MAD1L1: variants seen among roughly 807,000 people sequenced by gnomAD.
The protein encoded by MAD1L1 is mitotic arrest deficient 1 like 1, also known as mitotic spindle assembly checkpoint protein MAD1.
MAD1L1 carries 95 observed loss-of-function variants against 96.9 expected under a neutral mutation model. That is an observed-to-expected ratio of 0.98 (90% CI 0.83 to 1.16). The LOEUF (loss-of-function observed/expected upper bound fraction) is 1.16, where lower values mean the gene tolerates loss of function less well. Among genes scored for constraint, MAD1L1 ranks in the 50% most tolerant of loss-of-function variants. MAD1L1 has a pLI of 0.00. For missense variants in MAD1L1, 1,007 were observed against 954.4 expected, an observed-to-expected ratio of 1.06 and a Z score of -0.73; for synonymous variants, 473 against 396.6, an observed-to-expected ratio of 1.19 and a Z score of -2.29.
At position 2,088,358 on chromosome 7, in the gene MAD1L1, G is replaced by A. The variant is rs1041478886; in HGVS notation, c.1074-19020C>T. On this transcript the variant is annotated intron_variant, in intron 11 of 18. Transcript: ENST00000265854. The surrounding 1 kb of genome is among the most constrained non-coding windows in gnomAD (Gnocchi z 4.4). ...CGTGCTACCCTGGTTCCGTGTCGGC[G>A]CCAGCCCTCCAACCTTCTGGCCCAC... Among the ~76,000 whole-genome samples, 5 of 152,124 alleles carry A rather than the reference G, an allele frequency of 3.3e-5. No homozygotes were observed. Among genetic ancestry groups the A allele is most frequent in the African/African-American group, 2.4e-5 (1 of 41,428 alleles).
At chr7:2,067,847 C>T (rs756738296) in intron 12 of MAD1L1, among the ~76,000 whole-genome samples, 9 of 152,018 alleles carry the variant, frequency 5.9e-5, no homozygotes, top group Non-Finnish European at 1.0e-4. Flanking sequence ...ACGGCGTCCA[C>T]CTCTGTTGAG....
chr7:2,104,637 C>T (rs1786993422), intron 11 of MAD1L1, among the ~76,000 whole-genome samples: 1 of 152,128 alleles, frequency 6.6e-6, no homozygotes, highest in Non-Finnish European at 1.5e-5. Context: ...AAATTCTTAA[C>T]CTGAAAACAT....
rs552276417 is a variant in MAD1L1, at chr7:2,180,601, TA to T, written c.987-31364del. ...GTCAAGGAAACTGGGCTTGTTTCTG[TA>T]GCATCTGAAACAAAGCAAAATGCCA... On this transcript the variant is annotated intron_variant, in intron 10 of 18. Transcript: ENST00000265854. Among the ~76,000 whole-genome samples, 12 of 152,360 alleles carry T rather than the reference TA, an allele frequency of 7.9e-5. No individual in the cohort carries two copies. The South Asian group carries it at 2.5e-3, about 32-fold the overall frequency.
chr7:2,106,084 C>T (rs1787082454), intron 11 of MAD1L1, among the ~76,000 whole-genome samples: 1 of 149,662 alleles, frequency 6.7e-6, no homozygotes, highest in African/African-American at 2.5e-5. Context: ...TCACACACAG[C>T]GCCAGCCATC....
rs747016056 is a variant in MAD1L1 at position 2,014,624 on chromosome 7, C to T, written c.1237G>A (p.Ala413Thr). 6.2e-7 allele frequency: 1 copy of T among 1,611,618 alleles called. No homozygotes were observed. Among genetic ancestry groups the T allele is most frequent in the South Asian group, 1.1e-5 (1 of 90,788 alleles). The change falls in exon 13 of 19, where the codon GCC becomes ACC. Residue 413 changes from alanine to threonine, a missense_variant. By Grantham distance (58) the Ala-to-Thr change is moderately conservative. Transcript: ENST00000265854. ...LLTKERDGMRAILGSYDSELT... is the reference protein window; with the variant it reads ...LLTKERDGMRTILGSYDSELT... ...TCGCTGTCGTAGGACCCCAGGATGG[C>T]CCGCATACCGTCCCGCTCCTGTGGA...
intron 10 of MAD1L1, among the ~76,000 whole-genome samples, chr7:2,169,883 A>G (rs1404135632): frequency 7.9e-6 from 1 of 127,024 alleles, no homozygotes; most frequent in African/African-American, 3.0e-5. Context: ...GTCTGGGTGG[A>G]GGGGTCGGCC....
Position 1,897,475 on chromosome 7 carries a change from C to T in MAD1L1, c.1998+725G>A, listed in dbSNP as rs553692673. On this transcript the variant is annotated intron_variant, in intron 18 of 18. Coordinates refer to ENST00000265854, the MANE Select transcript of MAD1L1 (RefSeq NM_001013836.2). ...GCCACACCAGGCCGACGGCACCATC[C>T]TCACAAACCGGAGGTTAGCTCACCG... is the stretch of plus-strand genomic sequence containing the variant. 2.3e-4 allele frequency among the ~76,000 whole-genome samples: 35 copies of T among 152,358 alleles called. No individual in the cohort carries two copies. The South Asian group carries it at 7.3e-3, about 32-fold the overall frequency.
At chr7:1,817,061 T>C (rs1188698503) in intron 18 of MAD1L1, 2 of 152,306 alleles carry the variant, frequency 1.3e-5, no homozygotes, top group South Asian at 4.1e-4. Flanking sequence ...CCCTTGAACA[T>C]TTCTCCAGAG....
At chr7:1,992,771 G>T (rs149326104) in intron 14 of MAD1L1, among the ~76,000 whole-genome samples, 1 of 152,212 alleles carries the variant, frequency 6.6e-6, no homozygotes, top group South Asian at 2.1e-4. Context: ...GAAAGTCCCA[G>T]TGTCTCCAGG....
intron 10 of MAD1L1, among the ~76,000 whole-genome samples, chr7:2,157,244 A>C (rs181173898): frequency 5.3e-4 from 80 of 152,276 alleles, no homozygotes; most frequent in African/African-American, 1.9e-3. Context: ...CGATGGGAAC[A>C]CTGTTGTGGG....
chr7:1,975,987 C>T (rs1780619897), intron 15 of MAD1L1, among the ~76,000 whole-genome samples: 1 of 152,116 alleles, frequency 6.6e-6, no homozygotes, highest in Admixed American at 6.5e-5. Context: ...AGAGGACGGG[C>T]TCAGATTTGT....
chr7:2,061,264 G>C (rs1784648550), intron 12 of MAD1L1, among the ~76,000 whole-genome samples: 1 of 152,212 alleles, frequency 6.6e-6, no homozygotes, highest in Non-Finnish European at 1.5e-5. Context: ...TTGAACCCGG[G>C]AGGCGGAGGT....
At chr7:1,954,560 G>A (rs771639888) in intron 16 of MAD1L1, among the ~76,000 whole-genome samples, 1 of 152,132 alleles carries the variant, frequency 6.6e-6, no homozygotes, top group Admixed American at 6.5e-5. Flanking sequence ...GGACTGTGCC[G>A]CCCACCTGAC....
At chr7:2,106,250 T>C (rs1027482855) in intron 11 of MAD1L1, among the ~76,000 whole-genome samples, 7 of 151,968 alleles carry the variant, frequency 4.6e-5, no homozygotes, top group Non-Finnish European at 1.0e-4. Context: ...GCGTGAAAGG[T>C]GCGAGCACGG....
chr7:1,978,409 G>A (rs548705821), intron 15 of MAD1L1, among the ~76,000 whole-genome samples: 17 of 152,222 alleles, frequency 1.1e-4, no homozygotes, highest in Admixed American at 4.6e-4. Context: ...CTCCGGCTTC[G>A]GAGGGGCTCC....
chr7:2,072,046 T>C (rs1785157032), intron 11 of MAD1L1, among the ~76,000 whole-genome samples: 1 of 152,222 alleles, frequency 6.6e-6, no homozygotes. Flanking sequence ...AGCAAATTTA[T>C]CAAACCCAAG....
At chr7:1,889,818 GC>G (rs1786426120) in intron 18 of MAD1L1, among the ~76,000 whole-genome samples, 1 of 152,230 alleles carries the variant, frequency 6.6e-6, no homozygotes, top group African/African-American at 2.4e-5. Context: ...TCCAGACCCA[GC>G]TAATTCCTTC....
At chr7:2,205,930 T>C (rs1464331840) in intron 10 of MAD1L1, among the ~76,000 whole-genome samples, 1 of 152,164 alleles carries the variant, frequency 6.6e-6, no homozygotes, top group Non-Finnish European at 1.5e-5. Flanking sequence ...GGTCAGGAGT[T>C]TGAGACTAGC....
chr7:2,078,555 G>C (rs909178093), intron 11 of MAD1L1, among the ~76,000 whole-genome samples: 1 of 152,252 alleles, frequency 6.6e-6, no homozygotes, highest in Non-Finnish European at 1.5e-5. Context: ...CAGGACTGAA[G>C]AAGAAAGCAG....
Sources: allele counts gnomAD v4.1 joint callset (sites outside exome capture counted in the v4.1 genomes callset), GRCh38; gene constraint gnomAD v4.1.1; non-coding constraint Gnocchi (gnomAD v3.1); transcripts MANE v1.5; gene names NCBI Gene and HGNC (gene_info 2026-07-23, HGNC 2026-07-21).